ASTN2: variants seen among roughly 807,000 people sequenced by gnomAD.
The protein encoded by ASTN2 is astrotactin 2, also known as astrotactin-2.
Under a neutral mutation model 139.8 loss-of-function variants are expected in ASTN2, and 54 were observed. The observed-to-expected ratio is 0.39, with a 90% CI of 0.31 to 0.48. The LOEUF is 0.48. Ranked by LOEUF, ASTN2 falls within the 20% of genes least tolerant of loss-of-function variation. The probability of loss-of-function intolerance (pLI) is 0.95; values close to 1 mark genes in which losing one functional copy is unlikely to be tolerated. For synonymous variants in ASTN2, 756 were observed against 719.5 expected (o/e 1.05, Z -0.81); for missense variants, 1,565 against 1,725.1 (o/e 0.91, Z 1.64).
At chr9:116,928,536 G>T (rs1018025407) in intron 10 of ASTN2, among the ~76,000 whole-genome samples, 10 of 152,074 alleles carry the variant, frequency 6.6e-5, no homozygotes, top group African/African-American at 2.4e-4. Context: ...AGCCTACCAC[G>T]TGCAAGGGAG....
intron 16 of ASTN2, among the ~76,000 whole-genome samples, chr9:116,666,875 G>T (rs1858892479): frequency 6.6e-6 from 1 of 150,702 alleles, no homozygotes; most frequent in Non-Finnish European, 1.5e-5. Context: ...TTAAAGTGTG[G>T]AACTATTATA....
intron 10 of ASTN2, among the ~76,000 whole-genome samples, chr9:116,894,637 G>T (rs957433642): frequency 3.9e-5 from 6 of 152,138 alleles, no homozygotes; most frequent in Non-Finnish European, 5.9e-5. Flanking sequence ...CTACGGGTGG[G>T]TGCCACCATG....
intron 16 of ASTN2, among the ~76,000 whole-genome samples, chr9:116,678,016 A>C (rs1397724864): frequency 1.3e-5 from 2 of 152,210 alleles, no homozygotes; most frequent in African/African-American, 4.8e-5. Flanking sequence ...TAAGCATTTA[A>C]ATCAAATATT....
In ASTN2 at chr9:116,725,757, C is replaced by T; in HGVS notation, c.2806+14G>A. 6.2e-7 allele frequency: 1 copy of T among 1,609,900 alleles called. No individual in the cohort carries two copies. The highest frequency in any genetic ancestry group is 8.5e-7 in the Non-Finnish European group (1 of 1,178,596). ...CTGCCTGGCCACCTCCTACAGTAGGCACTCCGGGCTTACCTTTCTGATACT... is the reference window on the plus strand; with the variant it reads ...CTGCCTGGCCACCTCCTACAGTAGGTACTCCGGGCTTACCTTTCTGATACT... On this transcript the variant is annotated intron_variant, in intron 16 of 22. Transcript: ENST00000313400.
intron 3 of ASTN2, among the ~76,000 whole-genome samples, chr9:117,159,129 T>C (rs1157589417): frequency 2.0e-5 from 3 of 152,032 alleles, no homozygotes; most frequent in Admixed American, 6.6e-5. Context: ...TCCACTTTTT[T>C]ATTATATAGA....
intron 5 of ASTN2, among the ~76,000 whole-genome samples, chr9:117,045,954 TTGTA>T (rs10599716): frequency 0.45 from 62,912 of 140,044 alleles, 14,963 homozygotes; most frequent in East Asian, 0.62. Flanking sequence ...GGCTGGGCTT[TTGTA>T]TGTATGTATG....
At chr9:116,775,691 AAGG>A (rs746939391) in intron 13 of ASTN2, among the ~76,000 whole-genome samples, 8 of 125,852 alleles carry the variant, frequency 6.4e-5, no homozygotes, top group Non-Finnish European at 1.2e-4. Flanking sequence ...GGGAGGGAGA[AAGG>A]AGGGAAAGAA....
chr9:116,597,301 T>TTTTGTTTTTG (rs1854633417), intron 19 of ASTN2, among the ~76,000 whole-genome samples: 5 of 87,634 alleles, frequency 5.7e-5, no homozygotes, highest in South Asian at 3.3e-4. Context: ...TTTGATCTAT[T>TTTTGTTTTTG]TTTTTTTTTT....
chr9:117,267,413 G>C (rs899512131), intron 2 of ASTN2, among the ~76,000 whole-genome samples: 5 of 152,146 alleles, frequency 3.3e-5, no homozygotes, highest in Admixed American at 3.3e-4. Flanking sequence ...CATCACATTA[G>C]AGACAGGGGA....
At chr9:116,867,882 C>G (rs541886107) in intron 10 of ASTN2, among the ~76,000 whole-genome samples, 1 of 152,258 alleles carries the variant, frequency 6.6e-6, no homozygotes, top group Admixed American at 6.5e-5. Flanking sequence ...TTAAAGCAGA[C>G]ACTGGCGTTT....
chr9:116,562,327 A>G (rs1852955625), intron 19 of ASTN2: 1 of 152,202 alleles, frequency 6.6e-6, no homozygotes, highest in Non-Finnish European at 1.5e-5. Context: ...AACTAGTCCC[A>G]GAACTGTTTT....
chr9:117,131,007 C>T (rs1829814914), intron 4 of ASTN2, among the ~76,000 whole-genome samples: 1 of 152,164 alleles, frequency 6.6e-6, no homozygotes, highest in African/African-American at 2.4e-5. Context: ...TAAAGCTTCT[C>T]TTTGTAGTCT....
At chr9:117,004,292 G>A (rs889087627) in intron 7 of ASTN2, among the ~76,000 whole-genome samples, 5 of 151,912 alleles carry the variant, frequency 3.3e-5, no homozygotes, top group East Asian at 1.9e-4. Flanking sequence ...GCTAATTTTC[G>A]TATTTTTTTG....
chr9:117,246,145 AC>A (rs5900275), intron 2 of ASTN2, among the ~76,000 whole-genome samples: 39,552 of 151,074 alleles, frequency 0.26, 5,247 homozygotes, highest in Middle Eastern at 0.3. Flanking sequence ...TTGAAAACAA[AC>A]AAAAAAAAGC....
intron 3 of ASTN2, among the ~76,000 whole-genome samples, chr9:117,141,902 G>A (rs1055199864): frequency 4.6e-5 from 7 of 152,170 alleles, no homozygotes; most frequent in African/African-American, 1.7e-4. Flanking sequence ...ACACCCATCT[G>A]AGAATCAAAA....
intron 19 of ASTN2, among the ~76,000 whole-genome samples, chr9:116,529,620 C>T (rs1227246772): frequency 6.6e-6 from 1 of 151,882 alleles, no homozygotes; most frequent in African/African-American, 2.4e-5. Flanking sequence ...TTGCTGTATC[C>T]CCACTCAAAT....
chr9:117,127,145 C>T (rs2132827540), intron 4 of ASTN2, among the ~76,000 whole-genome samples: 2 of 152,270 alleles, frequency 1.3e-5, no homozygotes, highest in Admixed American at 1.3e-4. Context: ...TCTTAGCCAT[C>T]CTGGGTTGCT....
rs141686378 is a variant in ASTN2 at position 116,432,717 on chromosome 9, G to T, written c.3783-6629C>A. 2.4e-3 allele frequency among the ~76,000 whole-genome samples: 373 copies of T among 152,254 alleles called. 1 individual carries two copies. The highest frequency in any genetic ancestry group is 8.5e-3 in the African/African-American group (353 of 41,556). On this transcript the variant is annotated intron_variant, in intron 22 of 22. Transcript: ENST00000313400. ...GGCTAAGGTGGGCGGATCACTTGTGGTCGGGAGTTCCAGACCAGCCTGGCC... is the reference window on the plus strand; with the variant it reads ...GGCTAAGGTGGGCGGATCACTTGTGTTCGGGAGTTCCAGACCAGCCTGGCC...
chr9:116,593,461 C>T (rs972066329), intron 19 of ASTN2, among the ~76,000 whole-genome samples: 18 of 152,182 alleles, frequency 1.2e-4, no homozygotes, highest in African/African-American at 3.9e-4. Context: ...AGGTAACCTG[C>T]TTTTTATCTT....
Sources: gnomAD v4.1 joint callset for allele counts (sites outside exome capture counted in the v4.1 genomes callset) on GRCh38, gnomAD v4.1.1 for gene constraint, MANE v1.5 for transcripts, NCBI Gene and HGNC (gene_info 2026-07-23, HGNC 2026-07-21) for gene names.